WAPL: variants seen among roughly 807,000 people sequenced by gnomAD.
WAPL encodes WAPL cohesin release factor.
WAPL carries 5 observed loss-of-function variants against 121.0 expected under a neutral mutation model. The ratio of observed to expected loss-of-function variants is 0.04; its 90% confidence interval spans 0.02 to 0.09. The LOEUF (loss-of-function observed/expected upper bound fraction) is 0.09, where lower values mean the gene tolerates loss of function less well. WAPL is among the 10% of genes least tolerant of loss of function. The probability of loss-of-function intolerance (pLI) is 1.00; values close to 1 mark genes in which losing one functional copy is unlikely to be tolerated. For missense variants in WAPL, 999 were observed against 1,410.8 expected, an observed-to-expected ratio of 0.71 and a Z score of 4.68; for synonymous variants, 480 against 481.5, an observed-to-expected ratio of 1.00 and a Z score of 0.04.
At chr10:86,518,822 C>T (rs1049243483) in intron 1 of WAPL, among the ~76,000 whole-genome samples, 7 of 152,134 alleles carry the variant, frequency 4.6e-5, no homozygotes, top group Non-Finnish European at 8.8e-5. Context: ...TGCTTTTTCT[C>T]ATGTTTTACA....
intron 15 of WAPL, among the ~76,000 whole-genome samples, chr10:86,449,879 C>T (rs1198831509): frequency 6.6e-6 from 1 of 152,118 alleles, no homozygotes; most frequent in Non-Finnish European, 1.5e-5. Context: ...CAGTGAGCAG[C>T]AAAAGGGAAT....
At chr10:86,491,634 A>C (rs1842050879) in intron 4 of WAPL, among the ~76,000 whole-genome samples, 1 of 152,018 alleles carries the variant, frequency 6.6e-6, no homozygotes, top group South Asian at 2.1e-4. Context: ...TATTGTACAG[A>C]AGGCAAGGGA....
rs1005535733 is a variant in WAPL at position 86,452,575 on chromosome 10, G to C, written c.2950-444C>G. Among the ~76,000 whole-genome samples, 12 of 151,838 alleles carry C rather than the reference G, an allele frequency of 7.9e-5. No homozygotes were observed. In the East Asian group the frequency reaches 1.8e-3, roughly 22 times the overall value. ...CCACTGCACTCCAGCCTGGGCAAGA[G>C]AGTGAGTGAGACTCCATCTCAAAAA... On this transcript the variant is annotated intron_variant, in intron 14 of 18. Coordinates refer to ENST00000298767, the MANE Select transcript of WAPL (RefSeq NM_015045.5).
intron 16 of WAPL, 52 bp downstream of exon 16, chr10:86,446,190 C>T: frequency 6.3e-7 from 1 of 1,595,664 alleles, no homozygotes; most frequent in Non-Finnish European, 8.6e-7. Flanking sequence ...AAGAAAAAAA[C>T]AAAATCAAAC....
At chr10:86,507,118 A>T (rs1299195974) in intron 2 of WAPL, among the ~76,000 whole-genome samples, 2 of 151,576 alleles carry the variant, frequency 1.3e-5, no homozygotes, top group East Asian at 3.9e-4. Flanking sequence ...CTGTAATCCC[A>T]GCACTTTGGG....
At chr10:86,518,155 A>T in intron 1 of WAPL, 64 bp from the exon 2 acceptor site, 1 of 1,456,492 alleles carries the variant, frequency 6.9e-7, no homozygotes, top group South Asian at 1.4e-5. Flanking sequence ...GTGCATATAA[A>T]AATAAAAACC....
intron 11 of WAPL, among the ~76,000 whole-genome samples, chr10:86,459,958 A>G (rs1841232389): frequency 6.6e-6 from 1 of 152,174 alleles, no homozygotes; most frequent in Non-Finnish European, 1.5e-5. Flanking sequence ...TACTAAAAAT[A>G]CAAAAATCAG....
intron 4 of WAPL, among the ~76,000 whole-genome samples, chr10:86,493,105 G>A (rs1170263806): frequency 1.3e-5 from 2 of 150,638 alleles, no homozygotes; most frequent in African/African-American, 4.9e-5. Flanking sequence ...TTTTTTCAAA[G>A]GGGGGTACTG....
intron 3 of WAPL, 128 bp from the exon 4 acceptor site, chr10:86,497,447 C>T (rs1589531005): frequency 1.4e-6 from 1 of 710,160 alleles, no homozygotes; most frequent in African/African-American, 1.8e-5. Flanking sequence ...CACAGCACCA[C>T]AGAGCTGACA....
intron 4 of WAPL, among the ~76,000 whole-genome samples, chr10:86,477,238 T>C (rs1445985634): frequency 6.6e-6 from 1 of 152,172 alleles, no homozygotes; most frequent in Non-Finnish European, 1.5e-5. Context: ...ACTGAGCTCT[T>C]TACATCATTC....
chr10:86,455,067 G>A (rs979842108), intron 12 of WAPL, among the ~76,000 whole-genome samples: 1 of 148,830 alleles, frequency 6.7e-6, no homozygotes, highest in Non-Finnish European at 1.5e-5. Context: ...GGAGGGAGGT[G>A]GGGGGCAGCC....
chr10:86,515,961 G>A (rs942751379), intron 2 of WAPL, among the ~76,000 whole-genome samples: 2 of 147,258 alleles, frequency 1.4e-5, no homozygotes, highest in African/African-American at 5.0e-5. Context: ...TGTCTCCTGG[G>A]TTCAAGTGAT....
intron 4 of WAPL, among the ~76,000 whole-genome samples, chr10:86,496,414 T>A (rs916673681): frequency 2.0e-5 from 3 of 152,134 alleles, no homozygotes; most frequent in Admixed American, 6.5e-5. Context: ...CCTACCATAC[T>A]GACCCAGGAA....
rs7918172 is a variant in WAPL, at chr10:86,474,029, A to C, written c.1645-56T>G. ...CCATCCTTATAAAAGACTCTCAACT[A>C]AAAATCATAAAGAATAATTTATATG... is the stretch of plus-strand genomic sequence containing the variant. On this transcript the variant is annotated intron_variant, in intron 4 of 18. Coordinates refer to ENST00000298767, the MANE Select transcript of WAPL (RefSeq NM_015045.5). 1.1e-3 allele frequency: 1,554 copies of C among 1,380,602 alleles called. 14 individuals are homozygous for C. In the African/African-American group the frequency reaches 0.019, roughly 17 times the overall value. The allele number at this position is 1,380,602 out of a possible 1,614,324, so 85.5% of individuals were successfully genotyped here.
At chr10:86,470,109 T>C (rs1267720717) in intron 8 of WAPL, among the ~76,000 whole-genome samples, 1 of 151,904 alleles carries the variant, frequency 6.6e-6, no homozygotes, top group Non-Finnish European at 1.5e-5. Flanking sequence ...CTCAGATCAC[T>C]ACAACCTCCA....
intron 4 of WAPL, among the ~76,000 whole-genome samples, chr10:86,485,614 A>T (rs1190987939): frequency 6.6e-6 from 1 of 152,266 alleles, no homozygotes; most frequent in African/African-American, 2.4e-5. Flanking sequence ...AGGAAAAAAA[A>T]GCACAAGAAT....
chr10:86,509,740 G>A (rs920122639), intron 2 of WAPL, among the ~76,000 whole-genome samples: 2 of 150,532 alleles, frequency 1.3e-5, no homozygotes, highest in East Asian at 3.9e-4. Flanking sequence ...AATTCATGAG[G>A]TATCATCTGG....
At chr10:86,439,402 C>T (rs1286250253) in intron 17 of WAPL, among the ~76,000 whole-genome samples, 1 of 152,106 alleles carries the variant, frequency 6.6e-6, no homozygotes, top group Non-Finnish European at 1.5e-5. Flanking sequence ...AAAAGTACGC[C>T]TCTGTAATAG....
intron 4 of WAPL, among the ~76,000 whole-genome samples, chr10:86,491,189 G>C (rs1277013338): frequency 9.5e-5 from 13 of 137,304 alleles, no homozygotes; most frequent in African/African-American, 3.3e-4. Context: ...GCCCAGGCTG[G>C]AGTGCAGTGG....
Sources: allele counts gnomAD v4.1 joint callset (sites outside exome capture counted in the v4.1 genomes callset), GRCh38; gene constraint gnomAD v4.1.1; transcripts MANE v1.5; gene names NCBI Gene and HGNC (gene_info 2026-07-23, HGNC 2026-07-21).